Variants in CSMD1 observed in about 807,000 individuals in gnomAD.
The protein encoded by CSMD1 is CUB and sushi domain-containing protein 1.
Under a neutral mutation model 417.5 loss-of-function variants are expected in CSMD1, and 213 were observed. The observed-to-expected ratio is 0.51, with a 90% CI of 0.46 to 0.57. CSMD1 has a LOEUF of 0.57. CSMD1 is among the 20% of genes least tolerant of loss of function. The pLI, the probability that CSMD1 is intolerant of heterozygous loss-of-function variation, is 0.00. For synonymous variants in CSMD1, 2,862 were observed against 1,736.8 expected (o/e 1.65, Z -16.11); for missense variants, 6,923 against 4,529.7 (o/e 1.53, Z -15.17).
At chr8:3,335,871 G>A (rs1177665109) in intron 23 of CSMD1, among the ~76,000 whole-genome samples, 1 of 152,098 alleles carries the variant, frequency 6.6e-6, no homozygotes, top group Non-Finnish European at 1.5e-5. Context: ...TGAATTCATG[G>A]ATGGAAGTTC....
chr8:3,912,165 T>C (rs1244249652), intron 5 of CSMD1, among the ~76,000 whole-genome samples: 1 of 152,212 alleles, frequency 6.6e-6, no homozygotes, highest in Non-Finnish European at 1.5e-5. Context: ...GAACTTCACA[T>C]TTCTCATGAA....
At chr8:4,629,980 C>A (rs137881087) in intron 2 of CSMD1, among the ~76,000 whole-genome samples, 1 of 152,168 alleles carries the variant, frequency 6.6e-6, no homozygotes, top group Non-Finnish European at 1.5e-5. Context: ...TTTCCACACA[C>A]CTGTATTTAC....
chr8:3,499,158 C>A lies in CSMD1; in HGVS notation c.1345-5432G>T, dbSNP rs1223093273. Among the ~76,000 whole-genome samples the A allele has an allele frequency of 2.6e-5, 4 of 152,078 alleles. No homozygotes were observed. In the South Asian group the frequency reaches 8.3e-4, roughly 32 times the overall value. On this transcript the variant is annotated intron_variant, in intron 10 of 69. Transcript: ENST00000635120. ...TAGTTTTAGTAGGAAAAAACTTTTT[C>A]CTGTAGATGTGTCTCATAGTGTCAG...
At chr8:3,636,194 G>C (rs945194803) in intron 7 of CSMD1, among the ~76,000 whole-genome samples, 1 of 152,148 alleles carries the variant, frequency 6.6e-6, no homozygotes, top group Non-Finnish European at 1.5e-5. Flanking sequence ...TTTGCATCTT[G>C]TCCCATTGGA....
At chr8:4,213,774 C>T (rs559497998) in intron 3 of CSMD1, among the ~76,000 whole-genome samples, 2 of 152,216 alleles carry the variant, frequency 1.3e-5, no homozygotes, top group Admixed American at 6.5e-5. Context: ...TCCCTGCCAG[C>T]TGTGGTGAGG....
chr8:4,465,482 G>A (rs1004144949), intron 2 of CSMD1, among the ~76,000 whole-genome samples: 2 of 152,128 alleles, frequency 1.3e-5, no homozygotes, highest in South Asian at 2.1e-4. Context: ...AAGATGGTTC[G>A]TCGTCCTCCC....
intron 25 of CSMD1, among the ~76,000 whole-genome samples, chr8:3,284,827 CTGAA>C (rs1046549904): frequency 2.0e-4 from 31 of 152,208 alleles, no homozygotes; most frequent in African/African-American, 7.5e-4. Context: ...CTACCTGTGT[CTGAA>C]TGGTCTGCTC....
rs542112796 is a variant in CSMD1 at position 4,294,407 on chromosome 8, G to C, written c.415+125546C>G. Among the ~76,000 whole-genome samples the C allele has an allele frequency of 1.4e-4, 22 of 152,252 alleles. No homozygotes were observed. In the South Asian group the frequency reaches 3.7e-3, roughly 26 times the overall value. ...GTCACCGTTCTTTCTGATTGTACTT[G>C]AATAGCTAATGTTTATCAGACACTT... is the stretch of plus-strand genomic sequence containing the variant. On this transcript the variant is annotated intron_variant, in intron 3 of 69. Coordinates refer to ENST00000635120, the MANE Select transcript of CSMD1 (RefSeq NM_033225.6).
intron 1 of CSMD1, among the ~76,000 whole-genome samples, chr8:4,688,307 C>G (rs1035845035): frequency 3.3e-5 from 5 of 152,082 alleles, no homozygotes; most frequent in African/African-American, 7.2e-5. Flanking sequence ...ACTGAAAAAG[C>G]ATGGGCTTGG....
chr8:3,037,185 T>C (rs965813425), intron 50 of CSMD1, among the ~76,000 whole-genome samples: 1 of 151,952 alleles, frequency 6.6e-6, no homozygotes, highest in Non-Finnish European at 1.5e-5. Flanking sequence ...CAGTATTTCA[T>C]AGTGCATATA....
intron 62 of CSMD1, among the ~76,000 whole-genome samples, chr8:2,959,257 C>A (rs1803265316): frequency 2.0e-5 from 3 of 152,210 alleles, no homozygotes; most frequent in South Asian, 4.1e-4. Context: ...GTGCACCTTA[C>A]CATGCCCAGA....
intron 7 of CSMD1, among the ~76,000 whole-genome samples, chr8:3,641,123 C>G (rs1283073291): frequency 2.1e-5 from 3 of 140,114 alleles, no homozygotes; most frequent in African/African-American, 8.1e-5. Context: ...GAAGTTATTG[C>G]AGAAGGTGCT....
intron 23 of CSMD1, among the ~76,000 whole-genome samples, chr8:3,330,018 G>A (rs1308538745): frequency 6.6e-6 from 1 of 152,170 alleles, no homozygotes; most frequent in Non-Finnish European, 1.5e-5. Context: ...GTTTTGTGTG[G>A]AGGAATGGAC....
At chr8:3,293,976 G>C (rs992592347) in intron 25 of CSMD1, among the ~76,000 whole-genome samples, 1 of 152,064 alleles carries the variant, frequency 6.6e-6, no homozygotes, top group Non-Finnish European at 1.5e-5. Flanking sequence ...TTTGGTCTTT[G>C]ATGATGATGA....
At chr8:3,301,957 G>A (rs563911784) in intron 25 of CSMD1, among the ~76,000 whole-genome samples, 311 of 152,146 alleles carry the variant, frequency 2.0e-3, no homozygotes, top group Non-Finnish European at 3.1e-3. Context: ...TCAGTGTCTC[G>A]TCTAAAGAAA....
intron 5 of CSMD1, among the ~76,000 whole-genome samples, chr8:3,994,454 A>G (rs1044810535): frequency 1.5e-4 from 23 of 149,940 alleles, no homozygotes; most frequent in Non-Finnish European, 3.0e-4. Flanking sequence ...TCAGAAAAAA[A>G]AAAAAAAAAA....
At chr8:3,785,038 A>G (rs1019323280) in intron 5 of CSMD1, among the ~76,000 whole-genome samples, 1 of 152,168 alleles carries the variant, frequency 6.6e-6, no homozygotes, top group African/African-American at 2.4e-5. Flanking sequence ...GGGAATAGAG[A>G]TAGAAAAACT....
chr8:4,076,168 G>A (rs191583942), intron 3 of CSMD1, among the ~76,000 whole-genome samples: 1 of 152,170 alleles, frequency 6.6e-6, no homozygotes, highest in Admixed American at 6.5e-5. Context: ...GCTCCATGGT[G>A]TTCTCACGAC....
At chr8:4,991,980 C>G (rs1054589646) in intron 1 of CSMD1, among the ~76,000 whole-genome samples, 2 of 152,160 alleles carry the variant, frequency 1.3e-5, no homozygotes, top group African/African-American at 4.8e-5. Flanking sequence ...TCCTGGACCC[C>G]CTCCGCGCGC....
Sources: gnomAD v4.1 joint callset for allele counts (sites outside exome capture counted in the v4.1 genomes callset) on GRCh38, gnomAD v4.1.1 for gene constraint, MANE v1.5 for transcripts, NCBI Gene and HGNC (gene_info 2026-07-23, HGNC 2026-07-21) for gene names.